The following AGBL1 variants were observed in gnomAD, a reference collection of about 807,000 sequenced individuals.
The protein encoded by AGBL1 is cytosolic carboxypeptidase 4.
AGBL1 carries 130 observed loss-of-function variants against 118.9 expected under a neutral mutation model. That is an observed-to-expected ratio of 1.09 (90% CI 0.95 to 1.26). The LOEUF (loss-of-function observed/expected upper bound fraction) is 1.26, where lower values mean the gene tolerates loss of function less well. Ranked by LOEUF, AGBL1 falls within the 50% of genes most tolerant of loss-of-function variation. The pLI, the probability that AGBL1 is intolerant of heterozygous loss-of-function variation, is 0.00. For missense variants in AGBL1, 1,584 were observed against 1,298.1 expected (o/e 1.22, Z -3.38); for synonymous variants, 555 against 478.9 (o/e 1.16, Z -2.08).
At chr15:86,198,264 T>C (rs1439811401) in intron 5 of AGBL1, among the ~76,000 whole-genome samples, 1 of 152,214 alleles carries the variant, frequency 6.6e-6, no homozygotes, top group African/African-American at 2.4e-5. Flanking sequence ...GCACATAAGT[T>C]TTCTGGTCTC....
chr15:86,976,478 T>C (rs973707035), intron 23 of AGBL1, among the ~76,000 whole-genome samples: 1 of 152,038 alleles, frequency 6.6e-6, no homozygotes, highest in Non-Finnish European at 1.5e-5. Context: ...ATTTGGATGA[T>C]TTTAAATATT....
intron 18 of AGBL1, among the ~76,000 whole-genome samples, chr15:86,466,443 C>G (rs2082408166): frequency 6.6e-6 from 1 of 152,168 alleles, no homozygotes; most frequent in African/African-American, 2.4e-5. Flanking sequence ...AGAACATGCT[C>G]CTTTAGGTTG....
chr15:86,832,249 T>G (rs2079114781), intron 22 of AGBL1, among the ~76,000 whole-genome samples: 2 of 152,238 alleles, frequency 1.3e-5, no homozygotes, highest in African/African-American at 2.4e-5. Flanking sequence ...TTTTGGTGAT[T>G]AACATTTGGC....
At chr15:86,129,258 T>G (rs2076788156) in intron 1 of AGBL1, among the ~76,000 whole-genome samples, 1 of 152,176 alleles carries the variant, frequency 6.6e-6, no homozygotes, top group South Asian at 2.1e-4. Context: ...TTTAACTACG[T>G]TGTCACTTAA....
At chr15:86,127,563 G>T (rs565271729) in intron 1 of AGBL1, among the ~76,000 whole-genome samples, 1 of 152,120 alleles carries the variant, frequency 6.6e-6, no homozygotes, top group African/African-American at 2.4e-5. Context: ...GAGGGCACGT[G>T]GGAAATCATA....
chr15:86,450,986 A>T (rs543066634), intron 18 of AGBL1, among the ~76,000 whole-genome samples: 4 of 152,232 alleles, frequency 2.6e-5, no homozygotes, highest in Non-Finnish European at 5.9e-5. Flanking sequence ...AGCTAATTAT[A>T]TCTTCTAGGA....
chr15:87,004,993 T>C (rs1175891961), intron 24 of AGBL1, among the ~76,000 whole-genome samples: 1 of 152,228 alleles, frequency 6.6e-6, no homozygotes. Flanking sequence ...AAAATTATTT[T>C]GTTTAAGAAT....
chr15:86,861,650 A>G (rs1433623696), intron 22 of AGBL1, among the ~76,000 whole-genome samples: 1 of 152,222 alleles, frequency 6.6e-6, no homozygotes, highest in African/African-American at 2.4e-5. Context: ...GGATAAAACA[A>G]TATATTAGGT....
chr15:86,117,333 T>C (rs1456121721), intron 1 of AGBL1, among the ~76,000 whole-genome samples: 1 of 152,144 alleles, frequency 6.6e-6, no homozygotes, highest in East Asian at 1.9e-4. Flanking sequence ...TCCCTTTATT[T>C]CTCAGTATTT....
At chr15:86,715,760 T>A (rs755777320) in intron 22 of AGBL1, among the ~76,000 whole-genome samples, 3 of 152,150 alleles carry the variant, frequency 2.0e-5, no homozygotes, top group Non-Finnish European at 4.4e-5. Flanking sequence ...AGTTTGTGGT[T>A]ATTGAAATAT....
At chr15:86,246,028 G>C (rs371214065) in intron 6 of AGBL1, among the ~76,000 whole-genome samples, 1 of 152,126 alleles carries the variant, frequency 6.6e-6, no homozygotes, top group Non-Finnish European at 1.5e-5. Context: ...TGGAGCCACA[G>C]GTGCAAGCCA....
intron 17 of AGBL1, among the ~76,000 whole-genome samples, chr15:86,379,855 ATGTAGCTG>A (rs1422422602): frequency 1.3e-5 from 2 of 152,210 alleles, no homozygotes; most frequent in Non-Finnish European, 2.9e-5. Context: ...AATCTTAACC[ATGTAGCTG>A]TGTCTCACTT....
chr15:86,713,184 G>A (rs2142695141), intron 22 of AGBL1, among the ~76,000 whole-genome samples: 1 of 152,172 alleles, frequency 6.6e-6, no homozygotes, highest in East Asian at 1.9e-4. Context: ...AGAAAGGGAG[G>A]CTAAGTATAG....
chr15:86,155,242 C>A (rs2077172105), intron 4 of AGBL1, among the ~76,000 whole-genome samples: 1 of 152,004 alleles, frequency 6.6e-6, no homozygotes. Context: ...ATGAGGTGGT[C>A]AGATCGCTTG....
intron 1 of AGBL1, among the ~76,000 whole-genome samples, chr15:86,089,413 G>A (rs1212699827): frequency 2.0e-5 from 3 of 152,266 alleles, no homozygotes; most frequent in Middle Eastern, 3.4e-3. Context: ...ATAAGCAATA[G>A]ATGTGGAGGT....
chr15:86,822,337 C>G (rs2078952923), intron 22 of AGBL1, among the ~76,000 whole-genome samples: 1 of 152,146 alleles, frequency 6.6e-6, no homozygotes. Context: ...ATTCCTGCTT[C>G]TCTGATATTT....
At chr15:86,215,781 T>C (rs1306231898) in intron 5 of AGBL1, among the ~76,000 whole-genome samples, 1 of 152,248 alleles carries the variant, frequency 6.6e-6, no homozygotes, top group African/African-American at 2.4e-5. Context: ...CATATCCACG[T>C]GCTTCTTGAG....
chr15:86,722,316 C>A (rs540715083), intron 22 of AGBL1, among the ~76,000 whole-genome samples: 7 of 152,072 alleles, frequency 4.6e-5, no homozygotes, highest in Non-Finnish European at 8.8e-5. Context: ...GAGATATAGA[C>A]CAATGGAACA....
At chr15:86,128,039 A>G (rs1390139754) in intron 1 of AGBL1, among the ~76,000 whole-genome samples, 2 of 152,170 alleles carry the variant, frequency 1.3e-5, no homozygotes, top group Non-Finnish European at 2.9e-5. Flanking sequence ...TTTAGTGGGT[A>G]ACATTATCTT....
Sources: allele counts gnomAD v4.1 joint callset (sites outside exome capture counted in the v4.1 genomes callset), GRCh38; gene constraint gnomAD v4.1.1; transcripts MANE v1.5; gene names NCBI Gene and HGNC (gene_info 2026-07-23, HGNC 2026-07-21).